ANKRD36B: variants seen among roughly 807,000 people sequenced by gnomAD.
The protein encoded by ANKRD36B is ankyrin repeat domain-containing protein 36B.
ANKRD36B carries 37 observed loss-of-function variants against 135.7 expected under a neutral mutation model. That is an observed-to-expected ratio of 0.27 (90% CI 0.21 to 0.36). The LOEUF (loss-of-function observed/expected upper bound fraction) is 0.36. Ranked by LOEUF, ANKRD36B falls within the 10% of genes least tolerant of loss-of-function variation. The probability of loss-of-function intolerance (pLI) is 1.00; values close to 1 mark genes in which losing one functional copy is unlikely to be tolerated. For synonymous variants in ANKRD36B, 179 were observed against 348.1 expected, an observed-to-expected ratio of 0.51 and a Z score of 5.41; for missense variants, 549 against 1,037.1, an observed-to-expected ratio of 0.53 and a Z score of 6.46.
intron 34 of ANKRD36B, among the ~76,000 whole-genome samples, chr2:97,534,831 C>T (rs535729891): frequency 1.0e-5 from 1 of 96,652 alleles, no homozygotes; most frequent in Non-Finnish European, 2.7e-5. Flanking sequence ...TGCTAGGTAA[C>T]GATTCAAAAG....
At chr2:97,548,654 C>T (rs2104613825) in intron 20 of ANKRD36B, among the ~76,000 whole-genome samples, 1 of 151,982 alleles carries the variant, frequency 6.6e-6, no homozygotes, top group Non-Finnish European at 1.5e-5. Flanking sequence ...GAGGTAGCTC[C>T]TTCAACAAGG....
chr2:97,585,173 C>T (rs531187981), intron 2 of ANKRD36B, 56 bp from the exon 3 acceptor site: 1 of 1,613,220 alleles, frequency 6.2e-7, no homozygotes, highest in African/African-American at 1.3e-5. Context: ...AATAAACACT[C>T]CGTAGGATTT....
chr2:97,525,760 C>A (rs1210034098), intron 35 of ANKRD36B, among the ~76,000 whole-genome samples: 4 of 98,080 alleles, frequency 4.1e-5, no homozygotes, highest in African/African-American at 9.1e-5. Flanking sequence ...TATCCTGCAC[C>A]TGGCTCAGAC....
intron 24 of ANKRD36B, 137 bp downstream of exon 24, chr2:97,545,529 C>T: frequency 1.9e-6 from 1 of 525,244 alleles, no homozygotes. Context: ...CACCCGAGAA[C>T]TTATTACAAA....
At chr2:97,496,865 T>G (rs1249282128) in intron 43 of ANKRD36B, among the ~76,000 whole-genome samples, 1 of 63,232 alleles carries the variant, frequency 1.6e-5, no homozygotes, top group African/African-American at 9.5e-5. Flanking sequence ...ATATATCTTT[T>G]AAAATATTAC....
chr2:97,560,104 C>A (rs1241786114), intron 8 of ANKRD36B, among the ~76,000 whole-genome samples: 2 of 151,852 alleles, frequency 1.3e-5, no homozygotes, highest in South Asian at 2.1e-4. Flanking sequence ...TGCAAATATT[C>A]CAAATGCATC....
intron 6 of ANKRD36B, among the ~76,000 whole-genome samples, chr2:97,571,187 T>C (rs1306543444): frequency 2.0e-5 from 3 of 152,178 alleles, no homozygotes; most frequent in African/African-American, 7.2e-5. Flanking sequence ...TTTATAATAA[T>C]TGGGGATCAG....
At chr2:97,551,199 C>T (rs1344418621) in intron 18 of ANKRD36B, 90 bp downstream of exon 18, 4 of 1,482,746 alleles carry the variant, frequency 2.7e-6, no homozygotes, top group Non-Finnish European at 3.6e-6. Flanking sequence ...TCAGAATGTG[C>T]AGCTTCGACC....
In ANKRD36B at chr2:97,535,793, T is replaced by C. The variant is rs1368447279; in HGVS notation, c.2191+507A>G. Among the ~76,000 whole-genome samples, 4 of 96,086 alleles carry C rather than the reference T, an allele frequency of 4.2e-5. 1 individual carries two copies. Among genetic ancestry groups the C allele is most frequent in the Non-Finnish European group, 8.4e-5 (3 of 35,900 alleles). The allele number at this position is 96,086 out of a possible 152,430, so 63.0% of individuals were successfully genotyped here. A position where few individuals can be genotyped will look rare whatever the true frequency, so the allele number is the denominator to read the frequency against. On this transcript the variant is annotated intron_variant, in intron 34 of 43. Transcript: ENST00000359901. ...AAACCTTATATTTTTAGGCCAGGCA[T>C]GGTGGTTCACACCTGTAATCCCAGC...
Position 97,513,200 on chromosome 2 carries a change from C to T in ANKRD36B, c.2785G>A (p.Gly929Arg), listed in dbSNP as rs1576775341. 1 of 1,471,554 alleles carries T rather than the reference C, an allele frequency of 6.8e-7. No homozygotes were observed. Among genetic ancestry groups the T allele is most frequent in the Non-Finnish European group, 9.0e-7 (1 of 1,111,794 alleles). The allele number at this position is 1,471,554 out of a possible 1,614,324, so 91.2% of individuals were successfully genotyped here. Residue 929 changes from glycine to arginine, a missense_variant, in exon 38 of 44, where the codon GGA becomes AGA. By Grantham distance (125) the Gly-to-Arg change is moderately radical (BLOSUM62 -2). Coordinates refer to ENST00000359901, the MANE Select transcript of ANKRD36B (RefSeq NM_001393939.1). ...LKSAEVELKT[G>R]GNNSNQVSET... ...TTTACCTGATTTGAATTATTTCCTC[C>T]TGTCTTCAATTCCACCTCTGCTGAT...
chr2:97,586,404 T>TAAAA (rs34704943), intron 1 of ANKRD36B, among the ~76,000 whole-genome samples: 2 of 146,964 alleles, frequency 1.4e-5, no homozygotes, highest in African/African-American at 5.0e-5. Context: ...TGCTTTTGTT[T>TAAAA]AAAAAAAAAA....
chr2:97,563,750 T>C (rs375695808), intron 6 of ANKRD36B, among the ~76,000 whole-genome samples: 24 of 152,194 alleles, frequency 1.6e-4, no homozygotes, highest in South Asian at 4.1e-4. Flanking sequence ...GCAATCAACA[T>C]AGCCATGGGA....
rs2078117886 is a variant in ANKRD36B at position 97,525,015 on chromosome 2, A to T, written c.2266-1548T>A. ...TTAGAAATAACTCTATCTTTAAATA[A>T]TCAAGTGTAAAAAGAGAAAAATTTT... On this transcript the variant is annotated intron_variant, in intron 35 of 43. Transcript: ENST00000359901. The T allele has an allele frequency of 2.0e-5, 2 of 97,678 alleles. 1 individual carries two copies. Among genetic ancestry groups the T allele is most frequent in the Non-Finnish European group, 5.5e-5 (2 of 36,666 alleles). 6.1% of individuals were successfully genotyped at this position (97,678 alleles called of 1,614,324 possible).
At chr2:97,587,145 G>A (rs1222646853) in intron 1 of ANKRD36B, among the ~76,000 whole-genome samples, 9 of 152,278 alleles carry the variant, frequency 5.9e-5, no homozygotes, top group Non-Finnish European at 1.2e-4. Flanking sequence ...TGCACTGCAG[G>A]CTGGGCGACA....
At chr2:97,546,592 A>G (rs1408397303) in intron 22 of ANKRD36B, among the ~76,000 whole-genome samples, 3 of 151,772 alleles carry the variant, frequency 2.0e-5, no homozygotes, top group Admixed American at 2.0e-4. Flanking sequence ...TCTTCAAAGT[A>G]AAACTGCTAC....
rs761235132 is a variant in ANKRD36B at position 97,589,531 on chromosome 2, T to C, written c.155A>G (p.Lys52Arg). Reference protein sequence around the residue: ...TYYDANKRDRKERTALHLACA... With the variant: ...TYYDANKRDRRERTALHLACA... ...GGCTCCCGGCCCCCATTACCTTTCCTTCCTGTCTCTCTTATTGGCGTCATA... is the reference window on the plus strand; with the variant it reads ...GGCTCCCGGCCCCCATTACCTTTCCCTCCTGTCTCTCTTATTGGCGTCATA... The change falls in exon 1 of 44, where the codon AAG becomes AGG. Residue 52 changes from lysine to arginine, a missense_variant. Transcript: ENST00000359901. 2.8e-4 allele frequency: 448 copies of C among 1,589,570 alleles called. 1 individual carries two copies. Among genetic ancestry groups the C allele is most frequent in the Middle Eastern group, 5.0e-4 (3 of 6,032 alleles).
intron 5 of ANKRD36B, among the ~76,000 whole-genome samples, chr2:97,578,642 G>A (rs887404125): frequency 6.6e-6 from 1 of 151,984 alleles, no homozygotes; most frequent in Admixed American, 6.6e-5. Context: ...GAAATAAAAT[G>A]GACAACATTG....
At chr2:97,494,280 G>A (rs2077278462) in intron 43 of ANKRD36B, among the ~76,000 whole-genome samples, 1 of 71,532 alleles carries the variant, frequency 1.4e-5, no homozygotes, top group Non-Finnish European at 3.3e-5. Context: ...ATAAGGAACA[G>A]AGGTTTGTTT....
Position 97,584,946 on chromosome 2 carries a change from T to C in ANKRD36B, c.448A>G (p.Lys150Glu), listed in dbSNP as rs1205143192. Residue 150 changes from lysine to glutamate, a missense_variant and splice_region_variant, in exon 3 of 44, where the codon AAG (lysine) becomes GAG (glutamate). Transcript: ENST00000359901. ...SHGTNIEECS[K>E]NEYQPLLLAV... is the part of the protein sequence containing the mutation. The stretch of plus-strand genomic sequence containing the variant: ...AAATAACATTGGTTGACCTATACCT[T>C]GCTGCATTCTTCAATATTTGTACCA... 2.4e-5 allele frequency: 38 copies of C among 1,598,250 alleles called. No homozygotes were observed. Among genetic ancestry groups the C allele is most frequent in the African/African-American group, 4.2e-5 (3 of 71,094 alleles).
Sources: allele counts gnomAD v4.1 joint callset (sites outside exome capture counted in the v4.1 genomes callset), GRCh38; gene constraint gnomAD v4.1.1; transcripts MANE v1.5; gene names NCBI Gene and HGNC (gene_info 2026-07-23, HGNC 2026-07-21).